Variants in KIF3A observed in about 807,000 individuals in gnomAD.
The protein encoded by KIF3A is kinesin-like protein KIF3A.
A neutral mutation model predicts 92.6 loss-of-function variants in KIF3A; 27 were observed. The ratio of observed to expected loss-of-function variants is 0.29; its 90% CI spans 0.21 to 0.40. The LOEUF is 0.40. KIF3A is among the 10% of genes least tolerant of loss of function. KIF3A has a pLI of 1.00. For synonymous variants in KIF3A, 250 were observed against 275.4 expected, an observed-to-expected ratio of 0.91 and a Z score of 0.92; for missense variants, 581 against 872.6, an observed-to-expected ratio of 0.67 and a Z score of 4.21.
Position 132,726,361 on chromosome 5 carries a change from C to G in KIF3A, c.418G>C (p.Asp140His). 1 of 1,613,522 alleles carries G rather than the reference C, an allele frequency of 6.2e-7. No individual in the cohort carries two copies. The change falls in exon 3 of 19, where the codon GAT becomes CAT. Residue 140 changes from aspartate to histidine, a missense_variant. This residue lies in a region of KIF3A where 217 missense variants were observed against 299.7 expected (regional missense o/e 0.72). Transcript: ENST00000403231. ...AAAAGAATTCCCTTTTACCTTGTAT[C>G]ACCCTCCGCTTTTGCAATATGACCA... Reference protein sequence around the residue: ...IFGHIAKAEGDTRFLVRVSYL... With the variant: ...IFGHIAKAEGHTRFLVRVSYL...
chr5:132,692,291 A>C (rs1752685319), downstream of KIF3A, among the ~76,000 whole-genome samples: 1 of 152,224 alleles, frequency 6.6e-6, no homozygotes, highest in Admixed American at 6.5e-5. Flanking sequence ...GAGAGAAGGG[A>C]GAAGAGCAGA....
intron 18 of KIF3A, among the ~76,000 whole-genome samples, 174 bp downstream of exon 18, chr5:132,698,997 C>CA (rs1053648458): frequency 2.0e-5 from 3 of 152,186 alleles, no homozygotes; most frequent in African/African-American, 7.2e-5. Context: ...CTCGGCCTCC[C>CA]AAAATGCTGG....
chr5:132,724,784 AAGT>A (rs1316867145), intron 4 of KIF3A, among the ~76,000 whole-genome samples: 4 of 109,524 alleles, frequency 3.7e-5, no homozygotes, highest in African/African-American at 8.2e-5. Context: ...CTAGAACTTA[AAGT>A]ATAATAAAAA....
chr5:132,701,203 T>C (rs1188840799), intron 15 of KIF3A, among the ~76,000 whole-genome samples: 2 of 151,870 alleles, frequency 1.3e-5, no homozygotes, highest in African/African-American at 4.8e-5. Context: ...TCAAAACAGA[T>C]TTTTAAAAAA....
Position 132,734,339 on chromosome 5 carries a change from T to G in KIF3A, c.146A>C (p.His49Pro). 6.2e-7 allele frequency: 1 copy of G among 1,614,190 alleles called. No individual in the cohort carries two copies. Among genetic ancestry groups the G allele is most frequent in the Non-Finnish European group, 8.5e-7 (1 of 1,180,034 alleles). Residue 49 changes from histidine to proline, a missense_variant, in exon 2 of 19, where the codon CAT (histidine) becomes CCT (proline). This residue lies in a region of KIF3A where 217 missense variants were observed against 299.7 expected (regional missense o/e 0.72). Transcript: ENST00000403231. ...VDEMRGTITV[H>P]KTDSSNEPPK... Reference sequence around the variant, plus strand: ...AGGTTCATTGGAAGAATCAGTCTTATGTACAGTGATAGTTCCCCTCATCTC... The same window carrying G: ...AGGTTCATTGGAAGAATCAGTCTTAGGTACAGTGATAGTTCCCCTCATCTC...
rs551918766 is a variant in KIF3A, at chr5:132,699,360, G to A, written c.2008-65C>T. On this transcript the variant is annotated intron_variant, in intron 17 of 18. Coordinates refer to ENST00000403231, the MANE Select transcript of KIF3A (RefSeq NM_001300791.2). ...AGAGTTAAAGCCAGATTTGGGGGAAGATTTAAAATACTGAATAAACTCCTT... is the reference window on the plus strand; with the variant it reads ...AGAGTTAAAGCCAGATTTGGGGGAAAATTTAAAATACTGAATAAACTCCTT... 15 of 1,525,958 alleles carry A rather than the reference G, an allele frequency of 9.8e-6. No individual in the cohort carries two copies. In the East Asian group the frequency reaches 1.4e-4, roughly 14 times the overall value. 94.5% of individuals were successfully genotyped at this position (1,525,958 alleles called of 1,614,324 possible). A position where few individuals can be genotyped will look rare whatever the true frequency, so the allele number is the denominator to read the frequency against.
In KIF3A at chr5:132,702,554, C is replaced by G. The variant is rs1288581305; in HGVS notation, c.1758+4G>C. On this transcript the variant is annotated splice_donor_region_variant and intron_variant, in intron 14 of 18. Transcript: ENST00000403231. The stretch of plus-strand genomic sequence containing the variant: ...ATTAGTAGGTAATTTCTAAGAGAAC[C>G]AACCTCTGACTTTGCAGCCATCAGC... 7 of 1,567,686 alleles carry G rather than the reference C, an allele frequency of 4.5e-6. No individual in the cohort carries two copies. The highest frequency in any genetic ancestry group is 5.2e-6 in the Non-Finnish European group (6 of 1,150,876).
intron 15 of KIF3A, 47 bp from the exon 16 acceptor site, chr5:132,700,747 C>T (rs754746556): frequency 1.2e-5 from 14 of 1,213,556 alleles, no homozygotes; most frequent in Non-Finnish European, 1.4e-5. Context: ...TTAATAACAT[C>T]TAAAATATTG....
At chr5:132,698,775 G>A in intron 18 of KIF3A, among the ~76,000 whole-genome samples, 1 of 44,404 alleles carries the variant, frequency 2.3e-5, no homozygotes, top group Admixed American at 2.1e-4. Flanking sequence ...TGTCACCCAG[G>A]CTGAAGTTCA....
At chr5:132,704,913 T>C (rs1018041882) in intron 11 of KIF3A, among the ~76,000 whole-genome samples, 3 of 151,984 alleles carry the variant, frequency 2.0e-5, no homozygotes, top group African/African-American at 4.8e-5. Flanking sequence ...TTTAACTCTT[T>C]ATGACAAAAT....
chr5:132,735,322 A>C (rs1334108280), intron 1 of KIF3A, among the ~76,000 whole-genome samples: 1 of 151,952 alleles, frequency 6.6e-6, no homozygotes, highest in Non-Finnish European at 1.5e-5. Flanking sequence ...TGATCCACCC[A>C]CCTCGGCCTC....
rs766387290 is a variant in KIF3A at position 132,726,263 on chromosome 5, G to A, written c.426-51C>T. On this transcript the variant is annotated intron_variant, in intron 3 of 18. Coordinates refer to ENST00000403231, the MANE Select transcript of KIF3A (RefSeq NM_001300791.2). ...CAAAGAGTGAAATATTCATAAGAAC[G>A]GTTTTAAAATATGTTTATAAAATTT... The A allele has an allele frequency of 7.9e-5, 124 of 1,572,414 alleles. 1 individual carries two copies. In the South Asian group the frequency reaches 1.2e-3, roughly 16 times the overall value.
At position 132,734,236 on chromosome 5, in the gene KIF3A, A is replaced by G; in HGVS notation, c.249T>C (p.Pro83=). The G allele has an allele frequency of 6.2e-7, 1 of 1,613,646 alleles. No homozygotes were observed. The highest frequency in any genetic ancestry group is 1.1e-5 in the South Asian group (1 of 90,984). The change falls in exon 2 of 19, where the codon CCT becomes CCC. Residue 83 remains proline, a synonymous_variant. Transcript: ENST00000403231. ...QLDVYNLTAR[P]IIDSVLEGYN... ...AGCCTTCAAGTACAGAATCAATAAT[A>G]GGTCTTGCAGTTAAGTTATAAACAT...
At chr5:132,696,755 T>C (rs1752851481) in intron 18 of KIF3A, 73 bp from the exon 19 acceptor site, 2 of 1,172,584 alleles carry the variant, frequency 1.7e-6, no homozygotes, top group Non-Finnish European at 2.6e-6. Context: ...TAACATTATA[T>C]AGAAACTATG....
rs1025830273 is a variant in KIF3A, at chr5:132,715,669, T to C, written c.1129+88A>G. On this transcript the variant is annotated intron_variant, in intron 8 of 18. Transcript: ENST00000403231. ...ACCAATGTTAGAGGCTCAAAAAAGG[T>C]TTAATAGAGGGCTTTTGTTAGAACA... The C allele has an allele frequency of 4.1e-6, 4 of 974,674 alleles. No individual in the cohort carries two copies. The African/African-American group carries it at 5.0e-5, about 12-fold the overall frequency. The allele number at this position is 974,674 out of a possible 1,614,324, so 60.4% of individuals were successfully genotyped here.
chr5:132,717,260 T>C (rs1007273362), intron 5 of KIF3A, among the ~76,000 whole-genome samples: 1 of 152,178 alleles, frequency 6.6e-6, no homozygotes, highest in African/African-American at 2.4e-5. Context: ...ATAACTAATT[T>C]ACACCAAAAA....
chr5:132,726,176 A>C lies in KIF3A; in HGVS notation c.462T>G (p.Asn154Lys), dbSNP rs756133124. Residue 154 changes from asparagine to lysine, a missense_variant, in exon 4 of 19, where the codon AAT becomes AAG. By Grantham distance (94) the Asn-to-Lys change is moderately conservative. Around this residue, in one of 5 missense-constraint regions of KIF3A, gnomAD observed 217 missense variants for 299.7 expected, o/e 0.72. Transcript: ENST00000403231. ...TGCCCAAAAGGTCACGAACTTCTTC[A>C]TTATATATTTCCAAATAAGACACTC... ...LVRVSYLEIY[N>K]EEVRDLLGKD... 4.3e-6 allele frequency: 7 copies of C among 1,612,212 alleles called. No individual in the cohort carries two copies. Among genetic ancestry groups the C allele is most frequent in the Non-Finnish European group, 8.5e-7 (1 of 1,179,246 alleles).
chr5:132,692,758 AAC>A lies in KIF3A; in HGVS notation c.*3874_*3875del, dbSNP rs1026395615. 54 of 152,740 alleles carry A rather than the reference AAC, an allele frequency of 3.5e-4. No homozygotes were observed. The highest frequency in any genetic ancestry group is 1.3e-3 in the African/African-American group (52 of 41,454). 9.5% of individuals were successfully genotyped at this position (152,740 alleles called of 1,614,324 possible). A position where few individuals can be genotyped will look rare whatever the true frequency, so the allele number is the denominator to read the frequency against. On this transcript the variant is annotated 3_prime_UTR_variant, in exon 19 of 19. Coordinates refer to ENST00000403231, the MANE Select transcript of KIF3A (RefSeq NM_001300791.2). ...AAAGCATGGCTTTTGAAACTGATGC[AAC>A]AAACTGTAATTTGTAATTTTGGCCA...
intron 10 of KIF3A, among the ~76,000 whole-genome samples, chr5:132,707,997 A>AAATC (rs1170933867): frequency 2.0e-5 from 3 of 152,220 alleles, no homozygotes; most frequent in Admixed American, 2.0e-4. Flanking sequence ...AAATCTCTTA[A>AAATC]AATCAGCCGG....
Sources: allele counts gnomAD v4.1 joint callset (sites outside exome capture counted in the v4.1 genomes callset), GRCh38; gene constraint gnomAD v4.1.1; regional missense constraint gnomAD v4.1.1; transcripts MANE v1.5; gene names NCBI Gene and HGNC (gene_info 2026-07-23, HGNC 2026-07-21).